The following FRMPD3 variants were observed in gnomAD, a reference collection of about 807,000 sequenced individuals.
FRMPD3 encodes the protein FERM and PDZ domain-containing protein 3.
FRMPD3 carries 42 observed loss-of-function variants against 97.9 expected under a neutral mutation model. The ratio of observed to expected loss-of-function variants is 0.43; its 90% CI spans 0.34 to 0.55. The LOEUF (loss-of-function observed/expected upper bound fraction) is 0.55, where lower values mean the gene tolerates loss of function less well. Among genes scored for constraint, FRMPD3 ranks in the 20% least tolerant of loss-of-function variants. The probability of loss-of-function intolerance (pLI) is 0.03; values close to 1 mark genes in which losing one functional copy is unlikely to be tolerated. For synonymous variants in FRMPD3, 577 were observed against 581.1 expected, an observed-to-expected ratio of 0.99 and a Z score of 0.10; for missense variants, 1,303 against 1,457.7, an observed-to-expected ratio of 0.89 and a Z score of 1.73.
intron 1 of FRMPD3, among the ~76,000 whole-genome samples, chrX:107,501,862 C>T (rs917906642): frequency 3.7e-5 from 4 of 109,563 alleles, no homozygotes; most frequent in Non-Finnish European, 5.7e-5. Context: ...CCTCTCCAAG[C>T]CTCAGTTTCC....
intron 5 of FRMPD3, among the ~76,000 whole-genome samples, chrX:107,546,205 G>A (rs994901119): frequency 1.2e-4 from 13 of 111,793 alleles, no homozygotes; most frequent in Non-Finnish European, 1.9e-5. Context: ...TGAGTGGCTG[G>A]TGAAATTGAG....
chrX:107,475,713 G>A (rs1251105511), intron 1 of FRMPD3, among the ~76,000 whole-genome samples: 1 of 112,101 alleles, frequency 8.9e-6, no homozygotes, highest in Non-Finnish European at 1.9e-5. Context: ...ATAATATTTA[G>A]TCTTATAGAA....
chrX:107,600,646 A>G lies in FRMPD3; in HGVS notation c.2607A>G (p.Gly869=), dbSNP rs1195109104. 2.5e-6 allele frequency: 3 copies of G among 1,207,172 alleles called. No homozygotes were observed. The highest frequency in any genetic ancestry group is 3.0e-5 in the East Asian group (1 of 33,692). ...KLPQSEGQVQ[G]ERTYSLAVHP... Reference sequence around the variant, plus strand: ...CCCAGTCAGAGGGCCAGGTACAGGGAGAACGAACATACTCCTTGGCAGTGC... The same window carrying G: ...CCCAGTCAGAGGGCCAGGTACAGGGGGAACGAACATACTCCTTGGCAGTGC... Residue 869 remains glycine, a synonymous_variant, in exon 15 of 15, where the codon GGA becomes GGG. Coordinates refer to ENST00000683843, the MANE Select transcript of FRMPD3 (RefSeq NM_001388459.1).
chrX:107,568,595 G>A (rs1438608611), intron 12 of FRMPD3, among the ~76,000 whole-genome samples: 4 of 105,708 alleles, frequency 3.8e-5, no homozygotes, highest in East Asian at 3.0e-4. Context: ...TCAGCTGGGC[G>A]TGGTGGCACA....
intron 12 of FRMPD3, among the ~76,000 whole-genome samples, chrX:107,575,591 C>T (rs1923072976): frequency 9.0e-6 from 1 of 111,474 alleles, no homozygotes; most frequent in East Asian, 2.8e-4. Flanking sequence ...GCTGGGATTA[C>T]TGGCGCCTGC....
At chrX:107,594,429 C>T (rs902627089) in intron 13 of FRMPD3, among the ~76,000 whole-genome samples, 2 of 111,794 alleles carry the variant, frequency 1.8e-5, no homozygotes, top group Non-Finnish European at 3.8e-5. Context: ...CGGTAGTCAC[C>T]CTATTGCGTT....
chrX:107,571,008 C>T (rs1922863950), intron 12 of FRMPD3, among the ~76,000 whole-genome samples: 1 of 112,139 alleles, frequency 8.9e-6, no homozygotes, highest in South Asian at 3.8e-4. Flanking sequence ...AGCTTACTTG[C>T]TCTTAGTGGA....
At chrX:107,589,156 C>T (rs1007603493) in intron 13 of FRMPD3, among the ~76,000 whole-genome samples, 1 of 111,204 alleles carries the variant, frequency 9.0e-6, no homozygotes, top group Admixed American at 9.6e-5. Context: ...AGAAGAGGCA[C>T]TCTGGCCTTT....
intron 2 of FRMPD3, among the ~76,000 whole-genome samples, chrX:107,527,499 G>A (rs1369025133): frequency 2.7e-5 from 3 of 112,313 alleles, no homozygotes; most frequent in Non-Finnish European, 5.6e-5. Flanking sequence ...TGCCATGCAG[G>A]GGAAGTAGGG....
chrX:107,450,992 A>G (rs1034589101), intron 1 of FRMPD3, among the ~76,000 whole-genome samples: 3 of 109,960 alleles, frequency 2.7e-5, no homozygotes, highest in Non-Finnish European at 5.7e-5. Context: ...TCCACGCTCG[A>G]GCTGTTGGGT....
chrX:107,584,960 G>GT (rs1923577884), intron 13 of FRMPD3, among the ~76,000 whole-genome samples: 1 of 111,967 alleles, frequency 8.9e-6, no homozygotes, highest in Admixed American at 9.5e-5. Flanking sequence ...ATTTAAACTA[G>GT]TTTTTTCTAA....
At chrX:107,551,777 A>G (rs1219349239) in intron 6 of FRMPD3, among the ~76,000 whole-genome samples, 2 of 112,499 alleles carry the variant, frequency 1.8e-5, no homozygotes, top group East Asian at 5.6e-4. Flanking sequence ...CAAACTGCAA[A>G]GAAAACCTCA....
chrX:107,566,911 G>A (rs745468759), intron 12 of FRMPD3, among the ~76,000 whole-genome samples: 1 of 111,702 alleles, frequency 9.0e-6, no homozygotes, highest in South Asian at 3.8e-4. Context: ...AGCCACAGTT[G>A]TGGGAATGAA....
At chrX:107,487,127 G>A (rs1426343235) in intron 1 of FRMPD3, among the ~76,000 whole-genome samples, 1 of 109,593 alleles carries the variant, frequency 9.1e-6, no homozygotes, top group Non-Finnish European at 1.9e-5. Context: ...GGTGGCGGGC[G>A]CCTGTAATCC....
rs184658071 is a variant in FRMPD3, at chrX:107,523,614, A to C, written c.-7-2968A>C. On this transcript the variant is annotated intron_variant, in intron 1 of 14. Transcript: ENST00000683843. ...AGTTAGCACTGTAATTGTCTTGTTCAGTATGCCCACTTGTCTTTTCTCCCC... is the reference window on the plus strand; with the variant it reads ...AGTTAGCACTGTAATTGTCTTGTTCCGTATGCCCACTTGTCTTTTCTCCCC... Among the ~76,000 whole-genome samples the C allele has an allele frequency of 7.1e-5, 8 of 112,382 alleles. No homozygotes were observed. The Admixed American group carries it at 7.5e-4, about 11-fold the overall frequency.
intron 13 of FRMPD3, among the ~76,000 whole-genome samples, chrX:107,582,398 C>A (rs1214293753): frequency 4.5e-5 from 5 of 111,709 alleles, no homozygotes; most frequent in Non-Finnish European, 9.4e-5. Context: ...GTTGGCCTGG[C>A]TGGCCTTGAA....
chrX:107,551,228 T>C (rs1259033157), intron 6 of FRMPD3, among the ~76,000 whole-genome samples: 2 of 111,251 alleles, frequency 1.8e-5, no homozygotes, highest in Non-Finnish European at 3.8e-5. Flanking sequence ...TTTGAAAGGC[T>C]TAGGCCTAGG....
rs770481217 is a variant in FRMPD3 at position 107,564,937 on chromosome X, C to T, written c.1167C>T (p.Ile389=). The T allele has an allele frequency of 5.0e-6, 6 of 1,208,599 alleles. No individual in the cohort carries two copies. The highest frequency in any genetic ancestry group is 1.8e-5 in the South Asian group (1 of 56,776). ...TCCTGGTGGGACCCCGTCATGGCAT[C>T]AGCCATGTTATTGACCTCAAAACCA... ...TTLLVGPRHG[I]SHVIDLKTNL... The change falls in exon 12 of 15, where the codon ATC becomes ATT. Residue 389 remains isoleucine (I), a synonymous_variant. Transcript: ENST00000683843.
At chrX:107,554,229 G>A (rs1921983617) in intron 7 of FRMPD3, among the ~76,000 whole-genome samples, 156 bp from the exon 8 acceptor site, 1 of 111,422 alleles carries the variant, frequency 9.0e-6, no homozygotes, top group East Asian at 2.8e-4. Context: ...TTTCCTCTGA[G>A]GGTAATTAGA....
Sources: gnomAD v4.1 joint callset for allele counts (sites outside exome capture counted in the v4.1 genomes callset) on GRCh38, gnomAD v4.1.1 for gene constraint, MANE v1.5 for transcripts, NCBI Gene and HGNC (gene_info 2026-07-23, HGNC 2026-07-21) for gene names.